Variants in TRIP12 observed in about 807,000 individuals in gnomAD.
TRIP12 encodes thyroid hormone receptor interactor 12.
A neutral mutation model predicts 244.2 loss-of-function variants in TRIP12; 25 were observed. The ratio of observed to expected loss-of-function variants is 0.10; its 90% CI spans 0.07 to 0.14. The LOEUF is 0.14. Among genes scored for constraint, TRIP12 ranks in the 10% least tolerant of loss-of-function variants. TRIP12 has a pLI of 1.00. For synonymous variants in TRIP12, 905 were observed against 873.1 expected (o/e 1.04, Z -0.64); for missense variants, 1,677 against 2,486.4 (o/e 0.67, Z 6.92).
At chr2:229,842,730 CTATT>C (rs1489394423) in intron 4 of TRIP12, among the ~76,000 whole-genome samples, 1 of 152,166 alleles carries the variant, frequency 6.6e-6, no homozygotes, top group African/African-American at 2.4e-5. Flanking sequence ...ACTTTTGCAT[CTATT>C]TAGTGACATT....
intron 1 of TRIP12, among the ~76,000 whole-genome samples, chr2:229,890,861 A>G (rs955661801): frequency 6.6e-6 from 1 of 152,232 alleles, no homozygotes; most frequent in African/African-American, 2.4e-5. Flanking sequence ...CTCTATATTG[A>G]GCCAGAATAC....
intron 25 of TRIP12, 67 bp from the exon 26 acceptor site, chr2:229,795,397 A>T: frequency 2.6e-6 from 4 of 1,513,550 alleles, no homozygotes; most frequent in Non-Finnish European, 2.7e-6. Context: ...CTCAAAGAGA[A>T]GATTTAATAA....
intron 2 of TRIP12, among the ~76,000 whole-genome samples, chr2:229,864,067 T>A (rs1005231690): frequency 6.7e-6 from 1 of 149,134 alleles, no homozygotes; most frequent in Non-Finnish European, 1.5e-5. Context: ...TGTGTGTGTG[T>A]GTGTGTGTGT....
At chr2:229,803,452 C>T in intron 20 of TRIP12, 119 bp downstream of exon 20, 1 of 673,194 alleles carries the variant, frequency 1.5e-6, no homozygotes, top group Admixed American at 3.2e-5. Context: ...TATAAGCTAA[C>T]AGAGCTTTAA....
At chr2:229,780,723 C>A (rs904103460) in intron 34 of TRIP12, among the ~76,000 whole-genome samples, 3 of 152,218 alleles carry the variant, frequency 2.0e-5, no homozygotes, top group Admixed American at 6.5e-5. Flanking sequence ...GACTGCCCTA[C>A]GCATCCCCAT....
Position 229,802,367 on chromosome 2 carries a change from A to G in TRIP12, c.3091T>C (p.Ser1031Pro), listed in dbSNP as rs1297714340. Residue 1031 changes from serine (S) to proline (P), a missense_variant, in exon 21 of 42, where the codon TCC becomes CCC. Coordinates refer to ENST00000675903, the MANE Select transcript of TRIP12 (RefSeq NM_001348323.3). ...GTCCCACTGCTGACTGAAGTTGTGG[A>G]TCCCATGGATCCCGATCCATTCGTA... ...ACTNGSGSMG[S>P]TTSVSSGTAT... is the part of the protein sequence containing the mutation. 6.2e-7 allele frequency: 1 copy of G among 1,613,854 alleles called. No individual in the cohort carries two copies. The highest frequency in any genetic ancestry group is 1.3e-5 in the African/African-American group (1 of 74,928).
chr2:229,895,355 T>C (rs548930158), intron 1 of TRIP12, among the ~76,000 whole-genome samples: 7 of 150,698 alleles, frequency 4.6e-5, no homozygotes, highest in African/African-American at 1.7e-4. Flanking sequence ...AAGTGAGAAA[T>C]TCATATATAA....
At chr2:229,838,712 C>T (rs930967988) in intron 5 of TRIP12, among the ~76,000 whole-genome samples, 1 of 152,062 alleles carries the variant, frequency 6.6e-6, no homozygotes, top group African/African-American at 2.4e-5. Flanking sequence ...CAAAATAGGA[C>T]AAAAACTCTG....
chr2:229,860,178 TA>T (rs1259011888), intron 3 of TRIP12, among the ~76,000 whole-genome samples: 2 of 152,220 alleles, frequency 1.3e-5, no homozygotes, highest in African/African-American at 4.8e-5. Context: ...GGGGGAATCT[TA>T]CGGCTCTCCA....
At chr2:229,877,086 C>T (rs2063734246) in intron 2 of TRIP12, among the ~76,000 whole-genome samples, 1 of 150,930 alleles carries the variant, frequency 6.6e-6, no homozygotes. Context: ...ATCACAATTA[C>T]TTTTGCATCA....
chr2:229,786,493 G>C (rs2040065187), intron 33 of TRIP12, among the ~76,000 whole-genome samples: 1 of 148,452 alleles, frequency 6.7e-6, no homozygotes, highest in South Asian at 2.1e-4. Flanking sequence ...CAACTCCCTG[G>C]TTTAAGTGAT....
intron 2 of TRIP12, among the ~76,000 whole-genome samples, chr2:229,864,041 A>T (rs923471518): frequency 8.6e-4 from 62 of 71,750 alleles, no homozygotes; most frequent in African/African-American, 1.8e-3. Flanking sequence ...AGAGAGAGAG[A>T]GAGAGAGTGT....
intron 1 of TRIP12, among the ~76,000 whole-genome samples, chr2:229,905,420 C>T (rs1395979592): frequency 1.3e-5 from 2 of 152,076 alleles, no homozygotes; most frequent in Non-Finnish European, 2.9e-5. Flanking sequence ...AAGGGCAAAA[C>T]GTTATACACA....
intron 4 of TRIP12, among the ~76,000 whole-genome samples, chr2:229,856,340 A>C (rs1415710527): frequency 2.6e-5 from 4 of 152,260 alleles, no homozygotes; most frequent in South Asian, 2.1e-4. Context: ...TAATGGAATT[A>C]TCTGGATTGG....
intron 4 of TRIP12, among the ~76,000 whole-genome samples, chr2:229,844,501 C>T (rs1386247027): frequency 2.0e-5 from 3 of 152,308 alleles, no homozygotes; most frequent in Admixed American, 6.5e-5. Context: ...GCATGTTAAT[C>T]TTTCATATGG....
At chr2:229,890,547 C>T (rs1284854630) in intron 1 of TRIP12, among the ~76,000 whole-genome samples, 3 of 152,094 alleles carry the variant, frequency 2.0e-5, no homozygotes, top group Admixed American at 2.0e-4. Flanking sequence ...GAGCTACAAC[C>T]TGGGGAACTG....
chr2:229,831,223 A>G (rs757993977), intron 6 of TRIP12: 2 of 678,772 alleles, frequency 2.9e-6, no homozygotes, highest in Non-Finnish European at 5.4e-6. Context: ...CAAAAATAAT[A>G]AAAAGGCAAA....
intron 33 of TRIP12, among the ~76,000 whole-genome samples, chr2:229,786,394 GAC>G (rs2040001607): frequency 8.9e-6 from 1 of 112,318 alleles, no homozygotes; most frequent in South Asian, 3.4e-4. Context: ...CGAATAGGAT[GAC>G]TTTTTTTTTT....
At chr2:229,774,445 G>A (rs887120091) in intron 37 of TRIP12, among the ~76,000 whole-genome samples, 184 bp from the exon 38 acceptor site, 1 of 152,146 alleles carries the variant, frequency 6.6e-6, no homozygotes, top group Non-Finnish European at 1.5e-5. Context: ...GATTACAAAG[G>A]AAGTAAGCAT....
Sources: gnomAD v4.1 joint callset for allele counts (sites outside exome capture counted in the v4.1 genomes callset) on GRCh38, gnomAD v4.1.1 for gene constraint, MANE v1.5 for transcripts, NCBI Gene and HGNC (gene_info 2026-07-23, HGNC 2026-07-21) for gene names.